Variants in OVGP1 observed in about 807,000 individuals in gnomAD.
OVGP1 encodes the protein oviductal glycoprotein 1.
OVGP1 carries 26 observed loss-of-function variants against 48.2 expected under a neutral mutation model. The observed-to-expected ratio is 0.54, with a 90% CI of 0.40 to 0.75. The LOEUF (loss-of-function observed/expected upper bound fraction) is 0.75. Ranked by LOEUF, OVGP1 falls within the 30% of genes least tolerant of loss-of-function variation. The pLI, the probability that OVGP1 is intolerant of heterozygous loss-of-function variation, is 0.00. For synonymous variants in OVGP1, 294 were observed against 305.7 expected, an observed-to-expected ratio of 0.96 and a Z score of 0.40; for missense variants, 791 against 820.6, an observed-to-expected ratio of 0.96 and a Z score of 0.44.
At chr1:111,423,503 G>C in intron 5 of OVGP1, 40 bp downstream of exon 5, 1 of 1,601,738 alleles carries the variant, frequency 6.2e-7, no homozygotes, top group South Asian at 1.1e-5. Flanking sequence ...TATAAAAGTA[G>C]AATCATTTCT....
At chr1:111,423,410 G>A in intron 5 of OVGP1, 133 bp downstream of exon 5, 1 of 947,700 alleles carries the variant, frequency 1.1e-6, no homozygotes. Context: ...ACCCTCCAGG[G>A]GTTCACAGTA....
chr1:111,421,526 G>T (rs754053360), intron 7 of OVGP1, 39 bp downstream of exon 7: 1 of 1,603,342 alleles, frequency 6.2e-7, no homozygotes, highest in Non-Finnish European at 8.5e-7. Flanking sequence ...GCTCAGGGGG[G>T]CAGATGTCTG....
At chr1:111,421,177 T>C (rs1249177516) in intron 8 of OVGP1, 99 bp downstream of exon 8, 2 of 1,117,972 alleles carry the variant, frequency 1.8e-6, no homozygotes, top group Non-Finnish European at 2.5e-6. Flanking sequence ...TTGCCCTGTC[T>C]ACAGCTCTCA....
chr1:111,414,628 T>C lies in OVGP1; in HGVS notation c.1873A>G (p.Ser625Gly), dbSNP rs1248954098. The C allele has an allele frequency of 5.0e-6, 8 of 1,614,202 alleles. No homozygotes were observed. The highest frequency in any genetic ancestry group is 6.8e-6 in the Non-Finnish European group (8 of 1,180,026). The change falls in exon 11 of 11, where the codon AGC becomes GGC. Residue 625 changes from serine (S) to glycine (G), a missense_variant. Ser to Gly is a moderately conservative substitution (Grantham distance 56). Coordinates refer to ENST00000369732, the MANE Select transcript of OVGP1 (RefSeq NM_002557.4). Reference sequence around the variant, plus strand: ...TGTTCCGGGAGCTGGATGACGGGGCTGGAGGACAGCATCATCCTGTTTTCA... The same window carrying C: ...TGTTCCGGGAGCTGGATGACGGGGCCGGAGGACAGCATCATCCTGTTTTCA... ...EAENRMMLSS[S>G]PVIQLPEQTP...
chr1:111,425,627 G>A, intron 3 of OVGP1, 188 bp from the exon 4 acceptor site: 1 of 1,130,558 alleles, frequency 8.8e-7, no homozygotes, highest in Non-Finnish European at 1.2e-6. Context: ...GAAAGACAGA[G>A]AGAACAATCA....
chr1:111,415,098 C>T lies in OVGP1; in HGVS notation c.1403G>A (p.Gly468Glu), dbSNP rs2101721337. 1 of 1,614,198 alleles carries T rather than the reference C, an allele frequency of 6.2e-7. No homozygotes were observed. Among genetic ancestry groups the T allele is most frequent in the Middle Eastern group, 1.6e-4 (1 of 6,062 alleles). ...VSLGKHTVAL[G>E]EKTEITGAMT... ...TGCCCCAGTGATCTCAGTCTTCTCT[C>T]CTAGAGCTACAGTGTGCTTTCCAAG... Residue 468 changes from glycine (G) to glutamate (E), a missense_variant, in exon 11 of 11, where the codon GGA becomes GAA. By Grantham distance (98) the Gly-to-Glu change is moderately conservative. Coordinates refer to ENST00000369732, the MANE Select transcript of OVGP1 (RefSeq NM_002557.4).
chr1:111,418,917 T>C (rs1175943832), intron 9 of OVGP1, among the ~76,000 whole-genome samples: 2 of 152,184 alleles, frequency 1.3e-5, no homozygotes, highest in Admixed American at 6.5e-5. Context: ...TCTCTTTTAG[T>C]TCACTATAAA....
intron 9 of OVGP1, among the ~76,000 whole-genome samples, chr1:111,417,641 G>GCA (rs1010989004): frequency 2.0e-5 from 3 of 150,420 alleles, no homozygotes; most frequent in East Asian, 2.0e-4. Context: ...ACACACACAT[G>GCA]CACACACACA....
At position 111,416,355 on chromosome 1, in the gene OVGP1, A is replaced by AC; in HGVS notation, c.1123dup (p.Val375GlyfsTer6). 1 of 1,604,184 alleles carries AC rather than the reference A, an allele frequency of 6.2e-7. No homozygotes were observed. The highest frequency in any genetic ancestry group is 8.5e-7 in the Non-Finnish European group (1 of 1,175,022). On this transcript the variant is annotated frameshift_variant, in exon 10 of 11. Transcript: ENST00000369732. LOFTEE classifies it low-confidence loss of function (END_TRUNC). ...CACCAGGATATCATTCAATACGTAG[A>AC]CAAGGGGGAAAGGGCCAGTGCCACA... is the stretch of plus-strand genomic sequence containing the variant.
In OVGP1 at chr1:111,414,542, G is replaced by C; in HGVS notation, c.1959C>G (p.Asn653Lys). ...GAGGACTTGTTTGAGGGGTTACTGA[G>C]TTGACAGAGGAATGGTTTCCATAGA... ...VPIYGNHSSV[N>K]SVTPQTSPLS... Residue 653 changes from asparagine (N) to lysine (K), a missense_variant, in exon 11 of 11, where the codon AAC becomes AAG. Coordinates refer to ENST00000369732, the MANE Select transcript of OVGP1 (RefSeq NM_002557.4). 1 of 1,614,118 alleles carries C rather than the reference G, an allele frequency of 6.2e-7. No homozygotes were observed. Among genetic ancestry groups the C allele is most frequent in the Non-Finnish European group, 8.5e-7 (1 of 1,179,974 alleles).
intron 8 of OVGP1, among the ~76,000 whole-genome samples, chr1:111,420,388 T>A (rs774913812): frequency 6.6e-6 from 1 of 152,236 alleles, no homozygotes; most frequent in Admixed American, 6.5e-5. Context: ...TTGTTTCAAC[T>A]ATGCCAGCAC....
In OVGP1 at chr1:111,423,630, G is replaced by A. The variant is rs201153181; in HGVS notation, c.396C>T (p.Asp132=). ...ASVISLLRTH[D]FDGLDLFFLY... ...AGAAGAAAAGGTCAAGACCATCAAA[G>A]TCATGTGTCCTCAGAAGGGATATAA... The change falls in exon 5 of 11, where the codon GAC becomes GAT. Residue 132 remains aspartate (D), a synonymous_variant. Transcript: ENST00000369732. 148 of 1,614,162 alleles carry A rather than the reference G, an allele frequency of 9.2e-5. No individual in the cohort carries two copies. The East Asian group carries it at 2.7e-3, about 30-fold the overall frequency.
chr1:111,423,016 G>A lies in OVGP1; in HGVS notation c.519C>T (p.Leu173=), dbSNP rs779159082. ...ACAGCAGCAGCCTCGGGCGCATGGTGAGCAGTGCCTCCTTCCGGAAGGCAA... is the reference window on the plus strand; with the variant it reads ...ACAGCAGCAGCCTCGGGCGCATGGTAAGCAGTGCCTCCTTCCGGAAGGCAA... ...LLFAFRKEAL[L]TMRPRLLLSA... The change falls in exon 6 of 11, where the codon CTC becomes CTT. Residue 173 remains leucine, a synonymous_variant. Coordinates refer to ENST00000369732, the MANE Select transcript of OVGP1 (RefSeq NM_002557.4). 3 of 1,614,050 alleles carry A rather than the reference G, an allele frequency of 1.9e-6. No homozygotes were observed. Among genetic ancestry groups the A allele is most frequent in the African/African-American group, 2.7e-5 (2 of 74,926 alleles).
At chr1:111,425,497 T>A in intron 3 of OVGP1, 58 bp from the exon 4 acceptor site, 1 of 1,610,750 alleles carries the variant, frequency 6.2e-7, no homozygotes, top group Non-Finnish European at 8.5e-7. Flanking sequence ...GGGCAGCTGC[T>A]GCCACATTCT....
At chr1:111,422,869 A>T in intron 6 of OVGP1, 58 bp downstream of exon 6, 1 of 1,603,422 alleles carries the variant, frequency 6.2e-7, no homozygotes, top group Non-Finnish European at 8.5e-7. Context: ...TGGGGTTCTG[A>T]GCTCAAGACA....
intron 5 of OVGP1, 119 bp downstream of exon 5, chr1:111,423,424 G>T: frequency 4.5e-6 from 5 of 1,112,286 alleles, no homozygotes; most frequent in Non-Finnish European, 6.5e-6. Flanking sequence ...CACAGTAAAA[G>T]AACATTCTGT....
At chr1:111,420,208 T>A (rs1652231774) in intron 8 of OVGP1, among the ~76,000 whole-genome samples, 2 of 152,222 alleles carry the variant, frequency 1.3e-5, no homozygotes, top group African/African-American at 2.4e-5. Flanking sequence ...CTATAAATAA[T>A]TAAGCATTTG....
chr1:111,425,324 C>T, intron 4 of OVGP1, 59 bp downstream of exon 4: 1 of 1,604,202 alleles, frequency 6.2e-7, no homozygotes, highest in Non-Finnish European at 8.5e-7. Flanking sequence ...CCTCTGTCTT[C>T]ACGTCTAACC....
rs1472857533 is a variant in OVGP1, at chr1:111,414,584, G to T, written c.1917C>A (p.Asp639Glu). 6.2e-7 allele frequency: 1 copy of T among 1,614,210 alleles called. No individual in the cohort carries two copies. The highest frequency in any genetic ancestry group is 8.5e-7 in the Non-Finnish European group (1 of 1,180,042). ...TTCCATAGATGGGAACAAAGCGGTTGTCAAAAGCTAGAGGAGTTTGTTCCG... is the reference window on the plus strand; with the variant it reads ...TTCCATAGATGGGAACAAAGCGGTTTTCAAAAGCTAGAGGAGTTTGTTCCG... ...QLPEQTPLAF[D>E]NRFVPIYGNH... Residue 639 changes from aspartate to glutamate, a missense_variant, in exon 11 of 11, where the codon GAC becomes GAA. Physicochemically the swap from Asp to Glu is conservative, Grantham distance 45. Transcript: ENST00000369732.
Sources: allele counts gnomAD v4.1 joint callset (sites outside exome capture counted in the v4.1 genomes callset), GRCh38; gene constraint gnomAD v4.1.1; transcripts MANE v1.5; gene names NCBI Gene and HGNC (gene_info 2026-07-23, HGNC 2026-07-21).